Variants in CSGALNACT1 observed in about 807,000 individuals in gnomAD.
CSGALNACT1 encodes the protein chondroitin sulfate N-acetylgalactosaminyltransferase 1.
CSGALNACT1 carries 52 observed loss-of-function variants against 51.0 expected under a neutral mutation model. The observed-to-expected ratio is 1.02, with a 90% CI of 0.82 to 1.29. The LOEUF (loss-of-function observed/expected upper bound fraction) is 1.29. Among genes scored for constraint, CSGALNACT1 ranks in the 50% most tolerant of loss-of-function variants. The probability of loss-of-function intolerance (pLI) is 0.00; values close to 1 mark genes in which losing one functional copy is unlikely to be tolerated. For synonymous variants in CSGALNACT1, 341 were observed against 254.4 expected (o/e 1.34, Z -3.24); for missense variants, 935 against 679.2 (o/e 1.38, Z -4.19).
rs1403452491 is a variant in CSGALNACT1 at position 19,682,509 on chromosome 8, C to G, written c.-580G>C. On this transcript the variant is annotated 5_prime_UTR_variant, in exon 1 of 10. Coordinates refer to the CSGALNACT1 transcript ENST00000332246. ...ATCAAAAAGATGACACCTGTTGTCA[C>G]CCCTGCCCGGGGACGTATGGTCTTT... 7.7e-6 allele frequency: 3 copies of G among 391,270 alleles called. No individual in the cohort carries two copies. In the Admixed American group the frequency reaches 8.3e-5, roughly 11 times the overall value. The allele number at this position is 391,270 out of a possible 1,614,324, so 24.2% of individuals were successfully genotyped here.
At chr8:19,708,409 A>G (rs2062307686) in intron 1 of CSGALNACT1, among the ~76,000 whole-genome samples, 1 of 152,052 alleles carries the variant, frequency 6.6e-6, no homozygotes, top group Non-Finnish European at 1.5e-5. Flanking sequence ...ATTTTAGGAT[A>G]TTTTCCTGAA....
chr8:19,483,064 A>G (rs1414244234), intron 4 of CSGALNACT1, among the ~76,000 whole-genome samples: 2 of 152,172 alleles, frequency 1.3e-5, no homozygotes, highest in Non-Finnish European at 2.9e-5. Flanking sequence ...TCAATTACCA[A>G]GCCCCATGGG....
At chr8:19,709,536 A>G (rs1240425513) in intron 1 of CSGALNACT1, among the ~76,000 whole-genome samples, 3 of 152,200 alleles carry the variant, frequency 2.0e-5, no homozygotes, top group Admixed American at 2.0e-4. Flanking sequence ...CTCAGGAGAA[A>G]TGAACTGAGA....
chr8:19,464,909 G>A (rs2066332867), intron 4 of CSGALNACT1, among the ~76,000 whole-genome samples: 1 of 152,170 alleles, frequency 6.6e-6, no homozygotes, highest in African/African-American at 2.4e-5. Flanking sequence ...ACATGGTGCA[G>A]CCACTGCGGA....
At chr8:19,510,296 G>A (rs181481147) in intron 3 of CSGALNACT1, among the ~76,000 whole-genome samples, 59 of 152,100 alleles carry the variant, frequency 3.9e-4, no homozygotes, top group African/African-American at 9.7e-5. Flanking sequence ...ATGGGAGAAG[G>A]CTTCTTCATG....
At chr8:19,648,899 C>T (rs4922073) in intron 1 of CSGALNACT1, among the ~76,000 whole-genome samples, 79,806 of 151,952 alleles carry the variant, frequency 0.53, 21,240 homozygotes, top group Middle Eastern at 0.62. Flanking sequence ...GTAGAGACTT[C>T]AGAACAAATG....
At chr8:19,742,588 C>T (rs776021438) in intron 1 of CSGALNACT1, among the ~76,000 whole-genome samples, 1 of 152,222 alleles carries the variant, frequency 6.6e-6, no homozygotes, top group Non-Finnish European at 1.5e-5. Context: ...AGCTACTGAA[C>T]CCTGAAATTC....
chr8:19,744,150 G>A (rs1177979045), intron 1 of CSGALNACT1, among the ~76,000 whole-genome samples: 1 of 152,144 alleles, frequency 6.6e-6, no homozygotes, highest in Non-Finnish European at 1.5e-5. Context: ...TCGATAAGGA[G>A]TATTGCTTAT....
intron 4 of CSGALNACT1, among the ~76,000 whole-genome samples, chr8:19,494,502 G>A (rs987298329): frequency 1.7e-4 from 26 of 152,180 alleles, no homozygotes; most frequent in Middle Eastern, 3.2e-3. Context: ...GGGCTCTGGG[G>A]CTTGTGAGAG....
chr8:19,696,571 A>G (rs1232963510), intron 1 of CSGALNACT1, among the ~76,000 whole-genome samples: 4 of 152,180 alleles, frequency 2.6e-5, no homozygotes, highest in Non-Finnish European at 5.9e-5. Context: ...TATGAACCCA[A>G]ACTCTAGAAT....
chr8:19,432,827 G>A (rs1048142309), intron 6 of CSGALNACT1, among the ~76,000 whole-genome samples: 5 of 152,018 alleles, frequency 3.3e-5, no homozygotes, highest in African/African-American at 1.2e-4. Context: ...AGTATAGCAT[G>A]TTTTTCATAT....
rs1046297510 is a variant in CSGALNACT1 at position 19,672,738 on chromosome 8, C to G, written c.-544+9735G>C. 1.3e-5 allele frequency among the ~76,000 whole-genome samples: 2 copies of G among 152,034 alleles called. 1 individual carries two copies. Among genetic ancestry groups the G allele is most frequent in the Admixed American group, 1.3e-4 (2 of 15,262 alleles). ...CATAGTATTTAGCTGCTGCTCTTAT[C>G]AAAAAGAAACTTATTTTTTATACTG... On this transcript the variant is annotated intron_variant, in intron 1 of 9. Coordinates refer to the CSGALNACT1 transcript ENST00000332246.
At chr8:19,578,149 T>G (rs1050663467) in intron 3 of CSGALNACT1, among the ~76,000 whole-genome samples, 1 of 152,226 alleles carries the variant, frequency 6.6e-6, no homozygotes, top group Non-Finnish European at 1.5e-5. Flanking sequence ...AGGTAACATG[T>G]GGGCTACCAA....
intron 4 of CSGALNACT1, among the ~76,000 whole-genome samples, chr8:19,485,758 G>GGTTTTTTTTTTTTTT (rs2072729923): frequency 4.3e-5 from 1 of 23,444 alleles, no homozygotes; most frequent in Non-Finnish European, 1.1e-4. Context: ...ACCTCAGCTT[G>GGTTTTTTTTTTTTTT]CTTTTTTTTT....
At chr8:19,639,184 T>G (rs1589204597) in intron 1 of CSGALNACT1, among the ~76,000 whole-genome samples, 1 of 152,278 alleles carries the variant, frequency 6.6e-6, no homozygotes, top group East Asian at 1.9e-4. Context: ...TGAAATCTCA[T>G]TTTCAAGTGA....
intron 6 of CSGALNACT1, among the ~76,000 whole-genome samples, chr8:19,436,328 G>T (rs1259317010): frequency 6.6e-6 from 1 of 152,080 alleles, no homozygotes; most frequent in Admixed American, 6.5e-5. Context: ...AACAGGTGGT[G>T]GTATGCTAAC....
At chr8:19,577,796 G>A (rs998550514) in intron 3 of CSGALNACT1, among the ~76,000 whole-genome samples, 3 of 152,174 alleles carry the variant, frequency 2.0e-5, no homozygotes, top group Non-Finnish European at 2.9e-5. Flanking sequence ...TTAATACTGT[G>A]TCTTTAACTG....
chr8:19,595,951 C>G (rs774421059), intron 2 of CSGALNACT1, among the ~76,000 whole-genome samples: 1 of 149,938 alleles, frequency 6.7e-6, no homozygotes, highest in East Asian at 2.0e-4. Flanking sequence ...ACAGTCTCAA[C>G]CTTTCTGGCT....
chr8:19,661,184 G>C lies in CSGALNACT1; in HGVS notation c.-544+21289C>G, dbSNP rs1049638313. Among the ~76,000 whole-genome samples, 31 of 151,994 alleles carry C rather than the reference G, an allele frequency of 2.0e-4. 1 individual carries two copies. The highest frequency in any genetic ancestry group is 1.9e-3 in the Admixed American group (29 of 15,260). ...CCACCTCAGCCTCCCAAAGTGTTGGGATTAGAGGCGTAAGCCACCACTCCC... is the reference window on the plus strand; with the variant it reads ...CCACCTCAGCCTCCCAAAGTGTTGGCATTAGAGGCGTAAGCCACCACTCCC... On this transcript the variant is annotated intron_variant, in intron 1 of 9. Transcript: ENST00000332246.
Sources: gnomAD v4.1 joint callset for allele counts (sites outside exome capture counted in the v4.1 genomes callset) on GRCh38, gnomAD v4.1.1 for gene constraint, MANE v1.5 for transcripts, NCBI Gene and HGNC (gene_info 2026-07-23, HGNC 2026-07-21) for gene names.